PABPC4L: variants seen among roughly 807,000 people sequenced by gnomAD.
PABPC4L encodes the protein poly(A) binding protein cytoplasmic 4 like.
For synonymous variants in PABPC4L, 169 were observed against 164.1 expected (o/e 1.03, Z -0.23); for missense variants, 452 against 451.4 (o/e 1.00, Z -0.01).
At chr4:134,188,579 C>A in the PABPC4L span, among the ~76,000 whole-genome samples, 1 of 151,960 alleles carries the variant, frequency 6.6e-6, no homozygotes, top group South Asian at 2.1e-4. Context: ...AATACAAATT[C>A]TAGGATGGAG....
chr4:134,045,619 C>T, the PABPC4L span, among the ~76,000 whole-genome samples: 1 of 152,246 alleles, frequency 6.6e-6, no homozygotes, highest in Non-Finnish European at 1.5e-5. Context: ...CAGCGTGGGT[C>T]TAAATTCCAA....
the PABPC4L span, among the ~76,000 whole-genome samples, chr4:134,134,347 TTATC>T: frequency 6.6e-6 from 1 of 152,016 alleles, no homozygotes; most frequent in South Asian, 2.1e-4. Context: ...TTGCATATAT[TTATC>T]TGTTATGTAA....
At chr4:134,126,969 A>G in the PABPC4L span, among the ~76,000 whole-genome samples, 1 of 152,102 alleles carries the variant, frequency 6.6e-6, no homozygotes, top group East Asian at 1.9e-4. Flanking sequence ...TTTCTGGCTG[A>G]GAGCCGTATG....
the PABPC4L span, among the ~76,000 whole-genome samples, chr4:134,110,142 A>C: frequency 1.3e-5 from 2 of 152,222 alleles, no homozygotes; most frequent in Admixed American, 6.5e-5. Flanking sequence ...CTCAAGAAAG[A>C]GAGCATACAG....
chr4:134,007,588 A>G, the PABPC4L span, among the ~76,000 whole-genome samples: 1 of 151,780 alleles, frequency 6.6e-6, no homozygotes, highest in South Asian at 2.1e-4. Flanking sequence ...CCTTCTCAAT[A>G]TCATAGATTC....
At chr4:134,153,346 G>C in the PABPC4L span, among the ~76,000 whole-genome samples, 1 of 151,720 alleles carries the variant, frequency 6.6e-6, no homozygotes, top group African/African-American at 2.4e-5. Context: ...GCTGGTTTTT[G>C]AAGTATGTGT....
At chr4:134,059,796 A>G in the PABPC4L span, among the ~76,000 whole-genome samples, 1 of 152,104 alleles carries the variant, frequency 6.6e-6, no homozygotes, top group African/African-American at 2.4e-5. Flanking sequence ...CAAGATGGCC[A>G]AATAGAAGCC....
At chr4:134,186,081 G>A in the PABPC4L span, among the ~76,000 whole-genome samples, 2 of 152,090 alleles carry the variant, frequency 1.3e-5, no homozygotes, top group Non-Finnish European at 2.9e-5. Flanking sequence ...TGGATAAAAA[G>A]AATCAATATT....
At chr4:134,150,145 C>T in the PABPC4L span, among the ~76,000 whole-genome samples, 53 of 150,500 alleles carry the variant, frequency 3.5e-4, no homozygotes, top group African/African-American at 1.3e-3. Context: ...TGCAATGGCG[C>T]GATCTCGGCT....
the PABPC4L span, among the ~76,000 whole-genome samples, chr4:134,055,771 C>T: frequency 6.7e-6 from 1 of 150,336 alleles, no homozygotes; most frequent in Admixed American, 6.7e-5. Context: ...AATTTTGTAT[C>T]TTGTCTTTTC....
chr4:134,096,059 G>C, the PABPC4L span, among the ~76,000 whole-genome samples: 1 of 152,078 alleles, frequency 6.6e-6, no homozygotes, highest in African/African-American at 2.4e-5. Context: ...CAGGGATTTT[G>C]TTAGTTTTGT....
At chr4:134,057,294 A>G in the PABPC4L span, among the ~76,000 whole-genome samples, 2 of 151,938 alleles carry the variant, frequency 1.3e-5, no homozygotes, top group East Asian at 1.9e-4. Flanking sequence ...AATTTTTACT[A>G]TTCTACCTTC....
At chr4:134,068,377 C>G in the PABPC4L span, among the ~76,000 whole-genome samples, 1 of 152,046 alleles carries the variant, frequency 6.6e-6, no homozygotes, top group African/African-American at 2.4e-5. Flanking sequence ...GGTTGGGAGA[C>G]TTTTCTCCTT....
At chr4:134,053,984 A>C in the PABPC4L span, among the ~76,000 whole-genome samples, 1 of 151,724 alleles carries the variant, frequency 6.6e-6, no homozygotes, top group Non-Finnish European at 1.5e-5. Flanking sequence ...TTGTAAATGA[A>C]ATCATAAATT....
downstream of PABPC4L, among the ~76,000 whole-genome samples, chr4:134,193,919 T>C (rs1729583287): frequency 1.3e-5 from 2 of 152,082 alleles, no homozygotes; most frequent in South Asian, 4.1e-4. Flanking sequence ...CTTCTATCAC[T>C]TCCTGAACTT....
chr4:133,981,369 C>T, the PABPC4L span, among the ~76,000 whole-genome samples: 3 of 151,982 alleles, frequency 2.0e-5, no homozygotes, highest in South Asian at 6.2e-4. Flanking sequence ...CCATTTATAT[C>T]TTGTATTGAC....
chr4:134,193,185 C>G (rs1729560200), downstream of PABPC4L, among the ~76,000 whole-genome samples: 1 of 151,932 alleles, frequency 6.6e-6, no homozygotes, highest in African/African-American at 2.4e-5. Context: ...CAGTGATTTT[C>G]TACTGAATAT....
chr4:134,185,440 A>G, the PABPC4L span, among the ~76,000 whole-genome samples: 1 of 152,136 alleles, frequency 6.6e-6, no homozygotes, highest in Non-Finnish European at 1.5e-5. Flanking sequence ...CAAAAACCAC[A>G]TGATTATCTC....
chr4:134,096,153 C>T, the PABPC4L span, among the ~76,000 whole-genome samples: 1 of 151,730 alleles, frequency 6.6e-6, no homozygotes, highest in South Asian at 2.1e-4. Flanking sequence ...GTGTGGTACT[C>T]ATTTTTTATT....
Sources: allele counts gnomAD v4.1 joint callset (sites outside exome capture counted in the v4.1 genomes callset), GRCh38; gene constraint gnomAD v4.1.1; transcripts MANE v1.5; gene names NCBI Gene and HGNC (gene_info 2026-07-23, HGNC 2026-07-21).